PJA2: variants seen among roughly 807,000 people sequenced by gnomAD.
PJA2 encodes the protein praja ring finger ubiquitin ligase 2, also known as E3 ubiquitin-protein ligase Praja-2.
PJA2 carries 25 observed loss-of-function variants against 69.3 expected under a neutral mutation model. The observed-to-expected ratio is 0.36, with a 90% CI of 0.26 to 0.50. PJA2 has a LOEUF of 0.50. Among genes scored for constraint, PJA2 ranks in the 20% least tolerant of loss-of-function variants. PJA2 has a pLI of 0.96. For synonymous variants in PJA2, 308 were observed against 277.8 expected (o/e 1.11, Z -1.08); for missense variants, 809 against 830.2 (o/e 0.97, Z 0.31).
chr5:109,409,647 G>A (rs1045381905), intron 1 of PJA2, among the ~76,000 whole-genome samples, 195 bp downstream of exon 1: 7 of 151,988 alleles, frequency 4.6e-5, no homozygotes, highest in African/African-American at 1.4e-4. Flanking sequence ...CAGGGCCCAG[G>A]AGGCGAAGAA....
rs1169854473 is a variant in PJA2 at position 109,388,606 on chromosome 5, G to C, written c.-87-5086C>G. ...AAGAAGGGTTTCAACTGATAGCGTG[G>C]ATCTACACCCTTATGACTCATCTGC... On this transcript the variant is annotated intron_variant, in intron 1 of 9. Coordinates refer to ENST00000361189, the MANE Select transcript of PJA2 (RefSeq NM_014819.5). 2.0e-5 allele frequency among the ~76,000 whole-genome samples: 3 copies of C among 149,534 alleles called. No individual in the cohort carries two copies. The East Asian group carries it at 6.0e-4, about 30-fold the overall frequency.
chr5:109,381,662 C>T lies in PJA2; in HGVS notation c.73G>A (p.Ala25Thr). 6.2e-7 allele frequency: 1 copy of T among 1,613,938 alleles called. No homozygotes were observed. The highest frequency in any genetic ancestry group is 8.5e-7 in the Non-Finnish European group (1 of 1,180,010). ...CCTGTAATTGTCTGATACCCTCCTG[C>T]TGGTTTGGGCCAGACAGCCTTACCA... ...ESGKAVWPKP[A>T]GGYQTITGRR... The change falls in exon 3 of 10, where the codon GCA becomes ACA. Residue 25 changes from alanine to threonine, a missense_variant. Ala to Thr is a moderately conservative substitution (Grantham distance 58, BLOSUM62 0). Coordinates refer to ENST00000361189, the MANE Select transcript of PJA2 (RefSeq NM_014819.5).
intron 1 of PJA2, among the ~76,000 whole-genome samples, chr5:109,403,112 C>T (rs1431715279): frequency 1.3e-5 from 2 of 150,956 alleles, no homozygotes; most frequent in Admixed American, 1.3e-4. Flanking sequence ...ATAAAATAAA[C>T]CTAGAACCAA....
At chr5:109,343,273 C>CAAAAAAA (rs869033444) in intron 9 of PJA2, among the ~76,000 whole-genome samples, 5 of 19,388 alleles carry the variant, frequency 2.6e-4, no homozygotes, top group African/African-American at 1.0e-3. Flanking sequence ...AAGGGCGGTG[C>CAAAAAAA]AAAAAAAAAA....
At chr5:109,354,848 C>T (rs1309411222) in intron 7 of PJA2, among the ~76,000 whole-genome samples, 1 of 151,642 alleles carries the variant, frequency 6.6e-6, no homozygotes, top group Non-Finnish European at 1.5e-5. Context: ...GGCATGGTGA[C>T]TCATGTCTAT....
chr5:109,344,189 C>A lies in PJA2; in HGVS notation c.2001+1G>T. 1 of 1,590,292 alleles carries A rather than the reference C, an allele frequency of 6.3e-7. No homozygotes were observed. Among genetic ancestry groups the A allele is most frequent in the African/African-American group, 1.4e-5 (1 of 73,848 alleles). On this transcript the variant is annotated splice_donor_variant, in intron 9 of 9. Coordinates refer to ENST00000361189, the MANE Select transcript of PJA2 (RefSeq NM_014819.5). LOFTEE classifies it high-confidence loss of function. ...AAATTTTTAATTATTCTATCACTCACCTTTTGTAGCCAAATTGAGACACAA... is the reference window on the plus strand; with the variant it reads ...AAATTTTTAATTATTCTATCACTCAACTTTTGTAGCCAAATTGAGACACAA...
At chr5:109,377,694 G>A (rs1469971354) in intron 4 of PJA2, among the ~76,000 whole-genome samples, 1 of 152,062 alleles carries the variant, frequency 6.6e-6, no homozygotes, top group East Asian at 1.9e-4. Context: ...ACCACACAGA[G>A]TTGTTAATGA....
intron 1 of PJA2, among the ~76,000 whole-genome samples, chr5:109,393,395 C>A (rs1377484661): frequency 1.3e-5 from 2 of 152,200 alleles, no homozygotes; most frequent in Non-Finnish European, 2.9e-5. Context: ...ATATACATCT[C>A]TGCATTCATC....
At chr5:109,373,348 A>G (rs1215997516) in intron 4 of PJA2, among the ~76,000 whole-genome samples, 1 of 152,190 alleles carries the variant, frequency 6.6e-6, no homozygotes, top group Non-Finnish European at 1.5e-5. Context: ...AGAAATAACT[A>G]GAGGCACAGA....
chr5:109,352,289 T>C (rs1437747664), intron 7 of PJA2, among the ~76,000 whole-genome samples: 1 of 152,182 alleles, frequency 6.6e-6, no homozygotes, highest in Non-Finnish European at 1.5e-5. Flanking sequence ...TCCCCACTAG[T>C]AATAAATACT....
At chr5:109,359,587 G>A (rs1401228739) in intron 6 of PJA2, among the ~76,000 whole-genome samples, 1 of 152,132 alleles carries the variant, frequency 6.6e-6, no homozygotes, top group East Asian at 1.9e-4. Context: ...ATTCATGACA[G>A]ACAAATACAA....
chr5:109,349,066 C>T (rs2126989514), intron 7 of PJA2, among the ~76,000 whole-genome samples: 1 of 152,272 alleles, frequency 6.6e-6, no homozygotes, highest in East Asian at 1.9e-4. Context: ...AACTAGCCAT[C>T]TGCTCATTCT....
At chr5:109,337,433 G>A (rs1761968075) in intron 9 of PJA2, 77 bp from the exon 10 acceptor site, 2 of 1,454,494 alleles carry the variant, frequency 1.4e-6, no homozygotes, top group Non-Finnish European at 1.8e-6. Context: ...AGAAAAAACA[G>A]TGTCATTATC....
At chr5:109,356,175 T>C (rs1762409920) in intron 6 of PJA2, 149 bp from the exon 7 acceptor site, 1 of 597,828 alleles carries the variant, frequency 1.7e-6, no homozygotes, top group South Asian at 2.1e-5. Flanking sequence ...ACTTGTAGGG[T>C]TAGGGGCAGG....
At chr5:109,341,870 A>T (rs1210999173) in intron 9 of PJA2, among the ~76,000 whole-genome samples, 172 of 92,774 alleles carry the variant, frequency 1.9e-3, no homozygotes, top group African/African-American at 6.4e-3. Context: ...TCCGGGAGGG[A>T]GGTGGGGGGG....
Position 109,379,231 on chromosome 5 carries a change from C to T in PJA2, c.256G>A (p.Asp86Asn). 1 of 1,610,690 alleles carries T rather than the reference C, an allele frequency of 6.2e-7. No individual in the cohort carries two copies. The highest frequency in any genetic ancestry group is 8.5e-7 in the Non-Finnish European group (1 of 1,178,598). ...SSGSSPLDQV[D>N]SSLPSEPIFE... Reference sequence around the variant, plus strand: ...ATAGGTTCACTGGGTAAAGAAGAATCAACTTGATCCAAAGGACTGGAACCT... The same window carrying T: ...ATAGGTTCACTGGGTAAAGAAGAATTAACTTGATCCAAAGGACTGGAACCT... Residue 86 changes from aspartate to asparagine, a missense_variant, in exon 4 of 10, where the codon GAT (aspartate) becomes AAT (asparagine). Asp to Asn is a conservative substitution (Grantham distance 23). Around this residue, in one of 4 missense-constraint regions of PJA2, gnomAD observed 700 missense variants for 639.5 expected, o/e 1.09. Transcript: ENST00000361189.
At chr5:109,402,290 T>TA (rs1747571078) in intron 1 of PJA2, among the ~76,000 whole-genome samples, 1 of 152,108 alleles carries the variant, frequency 6.6e-6, no homozygotes, top group Non-Finnish European at 1.5e-5. Flanking sequence ...CAAGATGAAT[T>TA]AAAAAAGGCT....
intron 6 of PJA2, among the ~76,000 whole-genome samples, chr5:109,357,162 C>A (rs1281344623): frequency 6.6e-6 from 1 of 152,136 alleles, no homozygotes. Context: ...TCTGGGGGCA[C>A]CCTGAGTAGA....
At chr5:109,364,237 T>G (rs1397504387) in intron 5 of PJA2, among the ~76,000 whole-genome samples, 1 of 152,138 alleles carries the variant, frequency 6.6e-6, no homozygotes, top group African/African-American at 2.4e-5. Flanking sequence ...TTAAATAAAC[T>G]TTAGCTATAC....
Sources: allele counts gnomAD v4.1 joint callset (sites outside exome capture counted in the v4.1 genomes callset), GRCh38; gene constraint gnomAD v4.1.1; regional missense constraint gnomAD v4.1.1; transcripts MANE v1.5; gene names NCBI Gene and HGNC (gene_info 2026-07-23, HGNC 2026-07-21).